Variants in DTWD2 observed in about 807,000 individuals in gnomAD.
DTWD2 encodes the protein tRNA-uridine aminocarboxypropyltransferase 2.
Under a neutral mutation model 31.8 loss-of-function variants are expected in DTWD2, and 39 were observed. The observed-to-expected ratio is 1.22, with a 90% CI of 0.95 to 1.60. The LOEUF is 1.60. DTWD2 is among the 40% of genes most tolerant of loss of function. DTWD2 has a pLI of 0.00. For missense variants in DTWD2, 515 were observed against 381.5 expected, an observed-to-expected ratio of 1.35 and a Z score of -2.92; for synonymous variants, 180 against 142.8, an observed-to-expected ratio of 1.26 and a Z score of -1.86.
chr5:118,892,241 T>A (rs1752991051), intron 4 of DTWD2, among the ~76,000 whole-genome samples: 1 of 152,144 alleles, frequency 6.6e-6, no homozygotes, highest in South Asian at 2.1e-4. Context: ...AAAAAGTAGT[T>A]CACATATCTA....
rs1443953368 is a variant in DTWD2, at chr5:118,874,672, G to C, written c.598-26454C>G. Among the ~76,000 whole-genome samples, 16 of 152,010 alleles carry C rather than the reference G, an allele frequency of 1.1e-4. 1 individual carries two copies. Among genetic ancestry groups the C allele is most frequent in the Admixed American group, 1.0e-3 (16 of 15,252 alleles). ...CGACAAGAATAGAGAAAAAAGAAAA[G>C]AAAAGGAATGAACAAAACCGCCAAA... On this transcript the variant is annotated intron_variant, in intron 4 of 5. Coordinates refer to ENST00000510708, the MANE Select transcript of DTWD2 (RefSeq NM_173666.4).
chr5:118,944,287 C>G (rs566453430), intron 2 of DTWD2, among the ~76,000 whole-genome samples: 1 of 152,320 alleles, frequency 6.6e-6, no homozygotes, highest in African/African-American at 2.4e-5. Context: ...CACAAAACCT[C>G]ATTTTTTCTT....
chr5:118,887,579 G>A (rs1206519350), intron 4 of DTWD2, among the ~76,000 whole-genome samples: 2 of 152,190 alleles, frequency 1.3e-5, no homozygotes, highest in Non-Finnish European at 1.5e-5. Flanking sequence ...TGGGTCTGAA[G>A]GGGAATGGTT....
intron 4 of DTWD2, among the ~76,000 whole-genome samples, chr5:118,877,828 A>G (rs1752656043): frequency 1.3e-5 from 2 of 152,320 alleles, no homozygotes; most frequent in South Asian, 2.1e-4. Flanking sequence ...TTAAGCTCAT[A>G]AACAACTTAA....
intron 4 of DTWD2, among the ~76,000 whole-genome samples, chr5:118,853,487 T>G (rs1186387615): frequency 6.6e-6 from 1 of 152,116 alleles, no homozygotes; most frequent in Non-Finnish European, 1.5e-5. Context: ...AGCAAAGACA[T>G]GGAATCAACC....
At chr5:118,965,808 C>G (rs566990973) in intron 1 of DTWD2, among the ~76,000 whole-genome samples, 75 of 152,182 alleles carry the variant, frequency 4.9e-4, no homozygotes, top group Middle Eastern at 6.8e-3. Flanking sequence ...GCGGAAGGCC[C>G]CAGGGTCCTC....
intron 4 of DTWD2, among the ~76,000 whole-genome samples, chr5:118,903,720 T>C (rs937753061): frequency 2.6e-5 from 4 of 151,822 alleles, no homozygotes; most frequent in Non-Finnish European, 5.9e-5. Flanking sequence ...GAAATCCCAT[T>C]AAAAATAAAA....
At chr5:118,868,650 C>A (rs1752433840) in intron 4 of DTWD2, among the ~76,000 whole-genome samples, 1 of 151,958 alleles carries the variant, frequency 6.6e-6, no homozygotes, top group South Asian at 2.1e-4. Context: ...CCAGCCTGGG[C>A]AAGACAGTGA....
intron 1 of DTWD2, among the ~76,000 whole-genome samples, chr5:118,948,479 T>C (rs1754388783): frequency 6.6e-6 from 1 of 151,846 alleles, no homozygotes; most frequent in South Asian, 2.1e-4. Context: ...AGACTCCATC[T>C]CAAAAAAACA....
intron 1 of DTWD2, among the ~76,000 whole-genome samples, chr5:118,950,233 A>T (rs1754432406): frequency 6.6e-6 from 1 of 151,516 alleles, no homozygotes; most frequent in African/African-American, 2.4e-5. Flanking sequence ...AAAAAAAAAA[A>T]AAAAGAATAT....
Position 118,839,490 on chromosome 5 carries a change from G to C in DTWD2, c.*1427C>G, listed in dbSNP as rs1381059844. 1 of 151,874 alleles carries C rather than the reference G, an allele frequency of 6.6e-6. No individual in the cohort carries two copies. Among genetic ancestry groups the C allele is most frequent in the East Asian group, 1.9e-4 (1 of 5,160 alleles). The allele number at this position is 151,874 out of a possible 1,614,324, so 9.4% of individuals were successfully genotyped here. ...CCACCTTAGCCTCCCAAGTAGCTAG[G>C]ACTACAAGTGCACACCACCACATCT... On this transcript the variant is annotated 3_prime_UTR_variant, in exon 6 of 6. Transcript: ENST00000510708.
intron 4 of DTWD2, among the ~76,000 whole-genome samples, chr5:118,885,990 CA>C (rs545293192): frequency 2.6e-5 from 4 of 151,856 alleles, no homozygotes; most frequent in African/African-American, 7.3e-5. Flanking sequence ...CACACACACA[CA>C]AAAAAACTTT....
chr5:118,856,382 GC>G (rs1262267369), intron 4 of DTWD2, among the ~76,000 whole-genome samples: 2 of 152,020 alleles, frequency 1.3e-5, no homozygotes, highest in African/African-American at 4.8e-5. Flanking sequence ...CTGTGAATTT[GC>G]CACAATTTAT....
At chr5:118,851,218 CAAAA>C (rs35541408) in intron 4 of DTWD2, among the ~76,000 whole-genome samples, 1 of 81,966 alleles carries the variant, frequency 1.2e-5, no homozygotes, top group Non-Finnish European at 2.4e-5. Context: ...GACCCTATCT[CAAAA>C]AAAAAAAAAA....
chr5:118,933,029 C>A (rs2074731351), intron 3 of DTWD2, among the ~76,000 whole-genome samples: 1 of 151,630 alleles, frequency 6.6e-6, no homozygotes, highest in Admixed American at 6.6e-5. Context: ...ATAATAAATA[C>A]TACAAAAAAC....
intron 1 of DTWD2, among the ~76,000 whole-genome samples, chr5:118,959,181 CT>C (rs1306023695): frequency 6.6e-6 from 1 of 152,018 alleles, no homozygotes; most frequent in African/African-American, 2.4e-5. Flanking sequence ...AGACAATATT[CT>C]TTTTTACCTA....
intron 1 of DTWD2, among the ~76,000 whole-genome samples, chr5:118,975,907 C>T (rs1217495187): frequency 6.6e-6 from 1 of 152,190 alleles, no homozygotes; most frequent in Non-Finnish European, 1.5e-5. Flanking sequence ...CTCATCACCA[C>T]ATCACACTTA....
rs115604901 is a variant in DTWD2, at chr5:118,853,815, G to C, written c.598-5597C>G. 6.2e-3 allele frequency among the ~76,000 whole-genome samples: 938 copies of C among 152,166 alleles called. 11 individuals carry two copies. The highest frequency in any genetic ancestry group is 9.0e-3 in the Non-Finnish European group (611 of 67,982). ...TAGGTGACCCCAAATCTAAACGTCA[G>C]GCAATATACCCTTGTAACAAACCTG... On this transcript the variant is annotated intron_variant, in intron 4 of 5. Transcript: ENST00000510708.
At chr5:118,865,430 T>C (rs78851601) in intron 4 of DTWD2, among the ~76,000 whole-genome samples, 1 of 151,916 alleles carries the variant, frequency 6.6e-6, no homozygotes, top group Non-Finnish European at 1.5e-5. Context: ...ATACCAAAAA[T>C]ATGGTCTATG....
Sources: allele counts gnomAD v4.1 joint callset (sites outside exome capture counted in the v4.1 genomes callset), GRCh38; gene constraint gnomAD v4.1.1; transcripts MANE v1.5; gene names NCBI Gene and HGNC (gene_info 2026-07-23, HGNC 2026-07-21).